The following SHROOM2 variants were observed in gnomAD, a reference collection of about 807,000 sequenced individuals.
SHROOM2 encodes the protein protein Shroom2.
In SHROOM2, 33 loss-of-function variants were observed where a neutral mutation model predicts 75.9. That is an observed-to-expected ratio of 0.43 (90% CI 0.33 to 0.58). The LOEUF (loss-of-function observed/expected upper bound fraction) is 0.58. Ranked by LOEUF, SHROOM2 falls within the 20% of genes least tolerant of loss-of-function variation. The probability of loss-of-function intolerance (pLI) is 0.04; values close to 1 mark genes in which losing one functional copy is unlikely to be tolerated. For missense variants in SHROOM2, 1,434 were observed against 1,461.2 expected (o/e 0.98, Z 0.30); for synonymous variants, 655 against 663.6 (o/e 0.99, Z 0.20).
intron 5 of SHROOM2, among the ~76,000 whole-genome samples, chrX:9,931,970 C>T (rs2147053419): frequency 9.1e-6 from 1 of 110,385 alleles, no homozygotes; most frequent in East Asian, 2.9e-4. Flanking sequence ...GTGGGACATG[C>T]CAGTCGACAG....
chrX:9,851,456 TTTC>T (rs1883531051), intron 1 of SHROOM2, among the ~76,000 whole-genome samples: 1 of 76,595 alleles, frequency 1.3e-5, no homozygotes, highest in Admixed American at 1.5e-4. Context: ...CTTTTTTTTT[TTTC>T]TTTTTTTTTT....
chrX:9,899,160 G>T (rs111842822), intron 5 of SHROOM2, among the ~76,000 whole-genome samples: 1 of 110,356 alleles, frequency 9.1e-6, no homozygotes, highest in Admixed American at 9.6e-5. Context: ...TGAGCTACTC[G>T]TTCAAGCACG....
rs1289742907 is a variant in SHROOM2 at position 9,932,831 on chromosome X, A to G, written c.3548A>G (p.Asp1183Gly). ...SPQFAPQKLT[D>G]KPPLLIQDED... The stretch of plus-strand genomic sequence containing the variant: ...CAGTTCGCCCCCCAGAAACTGACGG[A>G]CAAACCTCCCCTGCTCATCCAGGAT... The change falls in exon 6 of 10, where the codon GAC becomes GGC. Residue 1183 changes from aspartate (D) to glycine (G), a missense_variant. Transcript: ENST00000380913. 1.7e-6 allele frequency: 2 copies of G among 1,201,458 alleles called. No homozygotes were observed. The highest frequency in any genetic ancestry group is 2.2e-6 in the Non-Finnish European group (2 of 893,213).
intron 5 of SHROOM2, among the ~76,000 whole-genome samples, chrX:9,919,027 TC>T (rs746871797): frequency 3.6e-5 from 4 of 112,160 alleles, no homozygotes; most frequent in African/African-American, 1.3e-4. Flanking sequence ...GCTCCTTTCT[TC>T]TCTCTTCCCT....
rs750238273 is a variant in SHROOM2, at chrX:9,944,890, G to A, written c.4561G>A (p.Asp1521Asn). 8.6e-5 allele frequency: 104 copies of A among 1,204,338 alleles called. No homozygotes were observed. Among genetic ancestry groups the A allele is most frequent in the Non-Finnish European group, 9.9e-5 (88 of 892,262 alleles). ...RVENALNNLDDGASPGDRQSL... is the reference protein window; with the variant it reads ...RVENALNNLDNGASPGDRQSL... Reference sequence around the variant, plus strand: ...GGAGAATGCCCTCAATAATTTGGACGACGGCGCTTCTCCCGGTGATCGGGT... The same window carrying A: ...GGAGAATGCCCTCAATAATTTGGACAACGGCGCTTCTCCCGGTGATCGGGT... The change falls in exon 9 of 10, where the codon GAC becomes AAC. Residue 1521 changes from aspartate (D) to asparagine (N), a missense_variant. By Grantham distance (23) the Asp-to-Asn change is conservative (BLOSUM62 1). Around this residue, in one of 3 missense-constraint regions of SHROOM2, gnomAD observed 80 missense variants for 88.4 expected, o/e 0.90. Transcript: ENST00000380913.
chrX:9,881,081 G>A (rs780040581), intron 2 of SHROOM2, among the ~76,000 whole-genome samples: 1 of 111,321 alleles, frequency 9.0e-6, no homozygotes, highest in African/African-American at 3.3e-5. Context: ...CATTGATGGG[G>A]AGGTGAAGTG....
intron 2 of SHROOM2, among the ~76,000 whole-genome samples, chrX:9,888,834 G>A (rs936102961): frequency 2.7e-5 from 3 of 112,038 alleles, no homozygotes; most frequent in Non-Finnish European, 5.6e-5. Flanking sequence ...AACTTTTATT[G>A]TACCCATGGA....
chrX:9,858,003 T>C (rs2084082031), intron 1 of SHROOM2, among the ~76,000 whole-genome samples: 1 of 111,505 alleles, frequency 9.0e-6, no homozygotes, highest in African/African-American at 3.3e-5. Flanking sequence ...CTGCGAGCGC[T>C]GGCGTGTGCA....
intron 1 of SHROOM2, among the ~76,000 whole-genome samples, chrX:9,823,199 T>C (rs12008342): frequency 0.017 from 896 of 53,287 alleles, 6 homozygotes; most frequent in South Asian, 0.027. Context: ...TCCTCCTCCT[T>C]CTCCTCTTCC....
chrX:9,849,127 G>A (rs1224662758), intron 1 of SHROOM2, among the ~76,000 whole-genome samples: 2 of 111,815 alleles, frequency 1.8e-5, no homozygotes, highest in Non-Finnish European at 3.8e-5. Flanking sequence ...GCATCCCAGG[G>A]CGGCCTCCTT....
intron 2 of SHROOM2, among the ~76,000 whole-genome samples, chrX:9,880,396 C>T (rs1569157037): frequency 8.8e-6 from 1 of 113,404 alleles, no homozygotes; most frequent in Non-Finnish European, 1.9e-5. Flanking sequence ...TCCATCCCGT[C>T]CTTGGCTGTG....
Position 9,894,392 on chromosome X carries a change from C to G in SHROOM2, c.484C>G (p.Gln162Glu). ...CCACGACCTGTCCAGTTCCTGGGAG[C>G]AGACGAACCTACAGCGCACCTTAGA... ...SSHDLSSSWEQTNLQRTLDHF... is the reference protein window; with the variant it reads ...SSHDLSSSWEETNLQRTLDHF... The change falls in exon 4 of 10, where the codon CAG becomes GAG. Residue 162 changes from glutamine (Q) to glutamate (E), a missense_variant. By Grantham distance (29) the Gln-to-Glu change is conservative. This residue lies in a region of SHROOM2 where 1,340 missense variants were observed against 1,338.3 expected (regional missense o/e 1.00). Coordinates refer to ENST00000380913, the MANE Select transcript of SHROOM2 (RefSeq NM_001649.4). 1 of 1,210,374 alleles carries G rather than the reference C, an allele frequency of 8.3e-7. No individual in the cohort carries two copies. The highest frequency in any genetic ancestry group is 1.7e-5 in the African/African-American group (1 of 57,694).
At chrX:9,787,840 C>T (rs996291463) in intron 1 of SHROOM2, among the ~76,000 whole-genome samples, 1 of 111,865 alleles carries the variant, frequency 8.9e-6, no homozygotes, top group Non-Finnish European at 1.9e-5. Context: ...AAGAGGTTGC[C>T]ATTGTTATAA....
intron 6 of SHROOM2, among the ~76,000 whole-genome samples, chrX:9,935,848 T>G (rs1433850171): frequency 8.9e-6 from 1 of 111,733 alleles, no homozygotes; most frequent in Non-Finnish European, 1.9e-5. Flanking sequence ...TTTGGGGTTG[T>G]GGAGTTTGGC....
At chrX:9,878,961 A>G (rs1418965426) in intron 2 of SHROOM2, among the ~76,000 whole-genome samples, 1 of 112,043 alleles carries the variant, frequency 8.9e-6, no homozygotes, top group Non-Finnish European at 1.9e-5. Flanking sequence ...TTGTTAAAAC[A>G]AAGGAGACCC....
chrX:9,829,325 C>G (rs970286336), intron 1 of SHROOM2, among the ~76,000 whole-genome samples: 95 of 112,546 alleles, frequency 8.4e-4, no homozygotes, highest in African/African-American at 3.0e-3. Flanking sequence ...CGCCTGGACC[C>G]TGGGGCTGAG....
At chrX:9,915,726 T>C (rs915303099) in intron 5 of SHROOM2, among the ~76,000 whole-genome samples, 4 of 112,433 alleles carry the variant, frequency 3.6e-5, no homozygotes, top group African/African-American at 1.3e-4. Flanking sequence ...ACACATTTTC[T>C]ATAGTAATTA....
At chrX:9,877,895 A>G (rs1409001968) in intron 2 of SHROOM2, among the ~76,000 whole-genome samples, 1 of 111,062 alleles carries the variant, frequency 9.0e-6, no homozygotes, top group Non-Finnish European at 1.9e-5. Flanking sequence ...GGCAGCTCCT[A>G]GCTTAGCTGG....
chrX:9,943,181 A>G (rs1254437853), intron 8 of SHROOM2, among the ~76,000 whole-genome samples: 1 of 109,692 alleles, frequency 9.1e-6, no homozygotes, highest in Non-Finnish European at 1.9e-5. Context: ...AGTGGTGATC[A>G]TGCCACTGCA....
Sources: gnomAD v4.1 joint callset for allele counts (sites outside exome capture counted in the v4.1 genomes callset) on GRCh38, gnomAD v4.1.1 for gene constraint, gnomAD v4.1.1 regional missense constraint, MANE v1.5 for transcripts, NCBI Gene and HGNC (gene_info 2026-07-23, HGNC 2026-07-21) for gene names.